The following MLLT10 variants were observed in gnomAD, a reference collection of about 807,000 sequenced individuals.
The protein encoded by MLLT10 is MLLT10 histone lysine methyltransferase DOT1L cofactor.
MLLT10 carries 30 observed loss-of-function variants against 129.1 expected under a neutral mutation model. The observed-to-expected ratio is 0.23, with a 90% CI of 0.17 to 0.32. MLLT10 has a LOEUF of 0.32. Among genes scored for constraint, MLLT10 ranks in the 10% least tolerant of loss-of-function variants. The pLI is 1.00. For synonymous variants in MLLT10, 490 were observed against 446.4 expected (o/e 1.10, Z -1.23); for missense variants, 1,119 against 1,268.3 (o/e 0.88, Z 1.79).
At chr10:21,718,706 G>A (rs571515710) in intron 14 of MLLT10, among the ~76,000 whole-genome samples, 3 of 152,060 alleles carry the variant, frequency 2.0e-5, no homozygotes, top group East Asian at 3.8e-4. Context: ...CAGATATTTC[G>A]TGTTTTTGTT....
chr10:21,598,166 T>G (rs1197665193), intron 5 of MLLT10, among the ~76,000 whole-genome samples: 1 of 152,222 alleles, frequency 6.6e-6, no homozygotes, highest in Non-Finnish European at 1.5e-5. Flanking sequence ...GGTGAAGCTT[T>G]CTTTACTTGC....
At position 21,732,989 on chromosome 10, in the gene MLLT10, G is replaced by A. The variant is rs746322473; in HGVS notation, c.2309G>A (p.Arg770Gln). 22 of 1,613,882 alleles carry A rather than the reference G, an allele frequency of 1.4e-5. No homozygotes were observed. The highest frequency in any genetic ancestry group is 6.6e-5 in the South Asian group (6 of 91,076). ...AAAAACTTGACTGCCAAAAAGGAAC[G>A]GCTTCAGTTATTGAATGCACAGCTT... ...QIKNLTAKKE[R>Q]LQLLNAQLSV... Residue 770 changes from arginine to glutamine, a missense_variant, in exon 18 of 23, where the codon CGG becomes CAG. Transcript: ENST00000307729.
chr10:21,552,245 A>C (rs1297017877), intron 3 of MLLT10, among the ~76,000 whole-genome samples: 1 of 151,884 alleles, frequency 6.6e-6, no homozygotes, highest in Non-Finnish European at 1.5e-5. Flanking sequence ...TTCCAAGACA[A>C]AAATATACAG....
chr10:21,656,859 T>G (rs1239875015), intron 9 of MLLT10, among the ~76,000 whole-genome samples: 1 of 152,152 alleles, frequency 6.6e-6, no homozygotes, highest in Non-Finnish European at 1.5e-5. Context: ...CCATAGCTCT[T>G]TGTTTCTATG....
chr10:21,610,975 C>G (rs201279341), intron 5 of MLLT10, among the ~76,000 whole-genome samples: 2 of 108,346 alleles, frequency 1.8e-5, no homozygotes, highest in Non-Finnish European at 4.1e-5. Context: ...GTTTTTCTTT[C>G]TTTTTTCTCT....
intron 8 of MLLT10, among the ~76,000 whole-genome samples, chr10:21,644,216 G>A (rs1418893085): frequency 2.0e-5 from 3 of 152,020 alleles, no homozygotes; most frequent in Non-Finnish European, 4.4e-5. Context: ...ATGCTTCTAG[G>A]TTGTGATATT....
In MLLT10 at chr10:21,619,407, G is replaced by A. The variant is rs979793777; in HGVS notation, c.699+2200G>A. On this transcript the variant is annotated intron_variant, in intron 8 of 22. Transcript: ENST00000307729. ...TATGATCGTATTTATTTTAAGATAT[G>A]CCCTATCATGTTATTTGAAGGACAG... 6.6e-5 allele frequency among the ~76,000 whole-genome samples: 10 copies of A among 152,094 alleles called. No individual in the cohort carries two copies. In the East Asian group the frequency reaches 1.3e-3, roughly 21 times the overall value.
At position 21,612,383 on chromosome 10, in the gene MLLT10, C is replaced by T. The variant is rs1289709082; in HGVS notation, c.441C>T (p.Ser147=). ...TTTGTGATGAACAAGGAAGAGAAAG[C>T]AAAGCAGCCACTGGTGCTTGCATGA... is the stretch of plus-strand genomic sequence containing the variant. ...CYICDEQGRE[S]KAATGACMTC... The change falls in exon 6 of 23, where the codon AGC becomes AGT. Residue 147 remains serine (S), a synonymous_variant. Transcript: ENST00000307729. The T allele has an allele frequency of 5.0e-6, 8 of 1,611,414 alleles. No individual in the cohort carries two copies. Among genetic ancestry groups the T allele is most frequent in the Non-Finnish European group, 6.8e-6 (8 of 1,178,906 alleles).
chr10:21,558,687 CTT>C (rs1464090433), intron 3 of MLLT10, among the ~76,000 whole-genome samples: 1 of 151,952 alleles, frequency 6.6e-6, no homozygotes. Context: ...TGCCCAACCT[CTT>C]TTCAAAAAAT....
chr10:21,549,122 C>CTTTTTT (rs5783779), intron 3 of MLLT10, among the ~76,000 whole-genome samples: 3 of 130,394 alleles, frequency 2.3e-5, no homozygotes, highest in Non-Finnish European at 3.2e-5. Context: ...GAGCTTATTC[C>CTTTTTT]TTTTTTTTTT....
At chr10:21,721,467 C>T (rs983521121) in intron 14 of MLLT10, among the ~76,000 whole-genome samples, 1 of 152,072 alleles carries the variant, frequency 6.6e-6, no homozygotes, top group Non-Finnish European at 1.5e-5. Context: ...CCCACGCAGT[C>T]GACTCCTTTA....
chr10:21,726,269 T>A lies in MLLT10; in HGVS notation c.1904T>A (p.Leu635His). 6.2e-7 allele frequency: 1 copy of A among 1,611,804 alleles called. No homozygotes were observed. Among genetic ancestry groups the A allele is most frequent in the Non-Finnish European group, 8.5e-7 (1 of 1,178,418 alleles). ...TQANTLSGSSLSQAPSHMYGN... is the reference protein window; with the variant it reads ...TQANTLSGSSHSQAPSHMYGN... ...GCAAATACTCTATCTGGATCTTCTC[T>A]CAGTCAGGCACCATCTCATATGTAT... Residue 635 changes from leucine (L) to histidine (H), a missense_variant, in exon 15 of 23, where the codon CTC becomes CAC. By Grantham distance (99) the Leu-to-His change is moderately conservative. This residue lies in a region of MLLT10 where 1,004 missense variants were observed against 1,008.7 expected (regional missense o/e 1.00). Coordinates refer to ENST00000307729, the MANE Select transcript of MLLT10 (RefSeq NM_001195626.3).
intron 3 of MLLT10, among the ~76,000 whole-genome samples, chr10:21,573,200 C>A (rs1257576824): frequency 6.6e-6 from 1 of 152,086 alleles, no homozygotes; most frequent in Non-Finnish European, 1.5e-5. Context: ...TGGACTTAAT[C>A]TTGTTTTCAT....
intron 13 of MLLT10, among the ~76,000 whole-genome samples, chr10:21,698,716 C>T (rs1431979386): frequency 1.3e-5 from 2 of 152,144 alleles, no homozygotes; most frequent in African/African-American, 4.8e-5. Context: ...TTATTTTTCT[C>T]CACATCCTCA....
At chr10:21,602,212 G>A (rs772888094) in intron 5 of MLLT10, among the ~76,000 whole-genome samples, 5 of 152,164 alleles carry the variant, frequency 3.3e-5, no homozygotes, top group Non-Finnish European at 7.4e-5. Context: ...AAGAGAGATG[G>A]GTTGTCCAGG....
At position 21,617,078 on chromosome 10, in the gene MLLT10, A is replaced by C. The variant is rs1174511108; in HGVS notation, c.604-34A>C. Reference sequence around the variant, plus strand: ...GATTTGTTTAAAAAGTTTTATATACATATACATATATGTATATATATTTTC... The same window carrying C: ...GATTTGTTTAAAAAGTTTTATATACCTATACATATATGTATATATATTTTC... On this transcript the variant is annotated intron_variant, in intron 7 of 22. Coordinates refer to ENST00000307729, the MANE Select transcript of MLLT10 (RefSeq NM_001195626.3). The C allele has an allele frequency of 1.4e-5, 15 of 1,052,706 alleles. 1 individual carries two copies. 65.2% of individuals were successfully genotyped at this position (1,052,706 alleles called of 1,614,324 possible). A position where few individuals can be genotyped will look rare whatever the true frequency, so the allele number is the denominator to read the frequency against.
intron 3 of MLLT10, among the ~76,000 whole-genome samples, chr10:21,544,322 G>T (rs571137736): frequency 6.6e-6 from 1 of 152,250 alleles, no homozygotes; most frequent in South Asian, 2.1e-4. Flanking sequence ...CCTTTGAGAA[G>T]ACAATAAAAC....
intron 3 of MLLT10, among the ~76,000 whole-genome samples, chr10:21,585,568 A>G (rs1360201330): frequency 1.3e-5 from 2 of 152,208 alleles, no homozygotes; most frequent in Non-Finnish European, 2.9e-5. Flanking sequence ...TTTAAGAGAA[A>G]CCAGACCTAC....
At chr10:21,609,398 C>A (rs2044371696) in intron 5 of MLLT10, among the ~76,000 whole-genome samples, 1 of 152,120 alleles carries the variant, frequency 6.6e-6, no homozygotes, top group Non-Finnish European at 1.5e-5. Flanking sequence ...GAGGAATTGC[C>A]CCGGGTCAGA....
Sources: allele counts gnomAD v4.1 joint callset (sites outside exome capture counted in the v4.1 genomes callset), GRCh38; gene constraint gnomAD v4.1.1; regional missense constraint gnomAD v4.1.1; transcripts MANE v1.5; gene names NCBI Gene and HGNC (gene_info 2026-07-23, HGNC 2026-07-21).